Variants in HMCN2 observed in about 807,000 individuals in gnomAD.
HMCN2 encodes the protein hemicentin-2.
Under a neutral mutation model 377.5 loss-of-function variants are expected in HMCN2, and 325 were observed. The ratio of observed to expected loss-of-function variants is 0.86; its 90% confidence interval spans 0.79 to 0.94. The LOEUF is 0.94. Ranked by LOEUF, HMCN2 falls within the 40% of genes least tolerant of loss-of-function variation. The pLI, the probability that HMCN2 is intolerant of heterozygous loss-of-function variation, is 0.00. For missense variants in HMCN2, 4,543 were observed against 4,725.3 expected (o/e 0.96, Z 1.13); for synonymous variants, 2,007 against 2,046.8 (o/e 0.98, Z 0.53).
At position 130,354,862 on chromosome 9, in the gene HMCN2, C is replaced by T; in HGVS notation, c.4964C>T (p.Ser1655Phe). The T allele has an allele frequency of 3.8e-6, 5 of 1,304,252 alleles. No individual in the cohort carries two copies. Among genetic ancestry groups the T allele is most frequent in the Non-Finnish European group, 5.1e-6 (5 of 988,934 alleles). 80.8% of individuals were successfully genotyped at this position (1,304,252 alleles called of 1,614,324 possible). A position where few individuals can be genotyped will look rare whatever the true frequency, so the allele number is the denominator to read the frequency against. ...GAGTGCGTGGCCAGAGGCCACCCGT[C>T]CCCCACCCTCTCCTGGCACCACGAG... The part of the protein sequence containing the change: ...ALECVARGHP[S>F]PTLSWHHEGL... Residue 1655 changes from serine to phenylalanine, a missense_variant, in exon 32 of 98, where the codon TCC becomes TTC. This residue lies in a region of HMCN2 where 1,032 missense variants were observed against 1,285.1 expected (regional missense o/e 0.80). Coordinates refer to ENST00000683500, the MANE Select transcript of HMCN2 (RefSeq NM_001291815.2).
chr9:130,370,416 G>A (rs1588329304), intron 45 of HMCN2, among the ~76,000 whole-genome samples: 1 of 152,156 alleles, frequency 6.6e-6, no homozygotes, highest in East Asian at 1.9e-4. Flanking sequence ...GACAGGGAGT[G>A]GTAAGAGATA....
chr9:130,400,798 C>T lies in HMCN2; in HGVS notation c.11621C>T (p.Ala3874Val). The T allele has an allele frequency of 1.6e-6, 2 of 1,287,152 alleles. No homozygotes were observed. Among genetic ancestry groups the T allele is most frequent in the Non-Finnish European group, 2.0e-6 (2 of 987,720 alleles). 79.7% of individuals were successfully genotyped at this position (1,287,152 alleles called of 1,614,324 possible). A position where few individuals can be genotyped will look rare whatever the true frequency, so the allele number is the denominator to read the frequency against. Residue 3874 changes from alanine (A) to valine (V), a missense_variant, in exon 77 of 98, where the codon GCC becomes GTC. Ala to Val is a moderately conservative substitution (Grantham distance 64). Around this residue, in one of 5 missense-constraint regions of HMCN2, gnomAD observed 1,073 missense variants for 1,319.5 expected, o/e 0.81. Coordinates refer to ENST00000683500, the MANE Select transcript of HMCN2 (RefSeq NM_001291815.2). The part of the protein sequence containing the change: ...QVTVHVPPTI[A>V]DDQTDFTVTM... Reference sequence around the variant, plus strand: ...TGGGTTTTAGTGCCTCCCACCATTGCCGATGACCAGACAGACTTCACCGTG... The same window carrying T: ...TGGGTTTTAGTGCCTCCCACCATTGTCGATGACCAGACAGACTTCACCGTG...
chr9:130,395,022 C>T lies in HMCN2; in HGVS notation c.10693-5C>T. The T allele has an allele frequency of 2.3e-6, 3 of 1,284,348 alleles. No homozygotes were observed. The highest frequency in any genetic ancestry group is 2.4e-4 in the Middle Eastern group (1 of 4,248). The allele number at this position is 1,284,348 out of a possible 1,614,324, so 79.6% of individuals were successfully genotyped here. The stretch of plus-strand genomic sequence containing the variant: ...GGGCAGCTGCTCAACCCGCTCCATC[C>T]CCAGGTTAGGGATGCTGGGCTGTAC... On this transcript the variant is annotated splice_region_variant and splice_polypyrimidine_tract_variant and intron_variant, in intron 69 of 97. Transcript: ENST00000683500.
intron 19 of HMCN2, among the ~76,000 whole-genome samples, chr9:130,325,017 G>C (rs1044707915): frequency 6.6e-6 from 1 of 151,828 alleles, no homozygotes; most frequent in Non-Finnish European, 1.5e-5. Context: ...AATCCTCTGG[G>C]CTCTGCCTCT....
At chr9:130,352,702 G>A (rs1402186120) in intron 30 of HMCN2, among the ~76,000 whole-genome samples, 3 of 152,062 alleles carry the variant, frequency 2.0e-5, no homozygotes, top group Admixed American at 1.3e-4. Flanking sequence ...CCAAGCCTGT[G>A]GCCCCGCCCC....
At chr9:130,402,978 G>A in intron 78 of HMCN2, 82 bp downstream of exon 78, 1 of 1,124,042 alleles carries the variant, frequency 8.9e-7, no homozygotes, top group South Asian at 1.3e-5. Context: ...GGCTCAGGAT[G>A]GAGGTGAGGC....
chr9:130,350,378 C>CAAAAAAA (rs1448443171), intron 29 of HMCN2, among the ~76,000 whole-genome samples: 6 of 74,732 alleles, frequency 8.0e-5, no homozygotes, highest in Non-Finnish European at 1.5e-4. Context: ...GCTAAAAATA[C>CAAAAAAA]AAAAAAATAC....
chr9:130,288,583 C>T (rs1229401241), intron 4 of HMCN2, among the ~76,000 whole-genome samples: 1 of 152,208 alleles, frequency 6.6e-6, no homozygotes, highest in Non-Finnish European at 1.5e-5. Flanking sequence ...CAAAAGGCTC[C>T]AAACTATGCG....
rs1554927270 is a variant in HMCN2 at position 130,285,292 on chromosome 9, G to A, written c.465G>A (p.Arg155=). Reference sequence around the variant, plus strand: ...ATCACAAGAAGGAAGAGCTGCTGCGGCTCCTGCAGCTCAAGCAATCACAGG... The same window carrying A: ...ATCACAAGAAGGAAGAGCTGCTGCGACTCCTGCAGCTCAAGCAATCACAGG... The part of the protein sequence containing the change: ...KDYHKKEELL[R]LLQLKQSQVV... Residue 155 remains arginine (R), a synonymous_variant, in exon 3 of 98, where the codon CGG becomes CGA. Transcript: ENST00000683500. The A allele has an allele frequency of 8.5e-6, 4 of 471,182 alleles. No homozygotes were observed. Among genetic ancestry groups the A allele is most frequent in the Admixed American group, 4.7e-5 (2 of 42,596 alleles). The allele number at this position is 471,182 out of a possible 1,614,324, so 29.2% of individuals were successfully genotyped here. A position where few individuals can be genotyped will look rare whatever the true frequency, so the allele number is the denominator to read the frequency against.
At chr9:130,410,531 T>C in intron 84 of HMCN2, 40 bp from the exon 85 acceptor site, 1 of 1,538,634 alleles carries the variant, frequency 6.5e-7, no homozygotes, top group Non-Finnish European at 8.8e-7. Flanking sequence ...CTCATCTTCT[T>C]CTCTGAGCAC....
chr9:130,422,987 C>T lies in HMCN2; in HGVS notation c.13381+261C>T, dbSNP rs1276305134. 1.3e-5 allele frequency among the ~76,000 whole-genome samples: 2 copies of T among 152,252 alleles called. No individual in the cohort carries two copies. The highest frequency in any genetic ancestry group is 2.4e-5 in the African/African-American group (1 of 41,542). ...ACAGTCAGACCAAGAGTGTGTGAAA[C>T]GGTCAGTGTTCTGGGGGTGCGGGCG... On this transcript the variant is annotated intron_variant, in intron 87 of 97. Coordinates refer to ENST00000683500, the MANE Select transcript of HMCN2 (RefSeq NM_001291815.2). This position sits in a 1 kb window ranked among gnomAD's most constrained non-coding sequence, Gnocchi z 4.2.
In HMCN2 at chr9:130,269,662, C is replaced by T. The variant is rs782689326; in HGVS notation, c.259+3525C>T. 2.7e-5 allele frequency among the ~76,000 whole-genome samples: 4 copies of T among 148,542 alleles called. 1 individual carries two copies. Among genetic ancestry groups the T allele is most frequent in the Non-Finnish European group, 4.5e-5 (3 of 66,234 alleles). On this transcript the variant is annotated intron_variant, in intron 1 of 97. Transcript: ENST00000683500. ...AGTGAGGTTCAATATGTCTTTCAAG[C>T]GTTCACTAGATATTTTTGGTATGAA...
chr9:130,416,100 ATTTT>A (rs34382467), intron 85 of HMCN2, among the ~76,000 whole-genome samples: 1 of 130,736 alleles, frequency 7.6e-6, no homozygotes, highest in Non-Finnish European at 1.6e-5. Context: ...TAGAGGCTTT[ATTTT>A]TTTTTTTTTT....
chr9:130,380,032 C>T lies in HMCN2; in HGVS notation c.8431+565C>T, dbSNP rs571539784. On this transcript the variant is annotated intron_variant, in intron 54 of 97. Coordinates refer to ENST00000683500, the MANE Select transcript of HMCN2 (RefSeq NM_001291815.2). ...CTGGGATTACAGGCATGCGCCACCA[C>T]GCCTGGCTACTTTTTGTATTTTTAG... is the stretch of plus-strand genomic sequence containing the variant. Among the ~76,000 whole-genome samples, 6 of 152,254 alleles carry T rather than the reference C, an allele frequency of 3.9e-5. No individual in the cohort carries two copies. The East Asian group carries it at 7.7e-4, about 20-fold the overall frequency.
At chr9:130,429,932 C>A in intron 94 of HMCN2, 1 of 696,280 alleles carries the variant, frequency 1.4e-6, no homozygotes, top group Non-Finnish European at 2.3e-6. Flanking sequence ...CCTGTGGGGT[C>A]ATCTTCCGGG....
At position 130,360,220 on chromosome 9, in the gene HMCN2, T is replaced by C. The variant is rs191837338; in HGVS notation, c.5774-208T>C. On this transcript the variant is annotated intron_variant, in intron 37 of 97. Coordinates refer to ENST00000683500, the MANE Select transcript of HMCN2 (RefSeq NM_001291815.2). The surrounding 1 kb of genome is among the most constrained non-coding windows in gnomAD (Gnocchi z 4.7). Reference sequence around the variant, plus strand: ...CCTTCTCCAATGCCTGAAAAAATAGTGTGGTCACCCTGGAAGTTTCTCTTG... The same window carrying C: ...CCTTCTCCAATGCCTGAAAAAATAGCGTGGTCACCCTGGAAGTTTCTCTTG... Among the ~76,000 whole-genome samples the C allele has an allele frequency of 3.0e-4, 46 of 152,286 alleles. No homozygotes were observed. The highest frequency in any genetic ancestry group is 1.0e-3 in the African/African-American group (42 of 41,548).
At chr9:130,312,027 G>A (rs1014766813) in intron 15 of HMCN2, among the ~76,000 whole-genome samples, 5 of 152,232 alleles carry the variant, frequency 3.3e-5, no homozygotes, top group African/African-American at 7.2e-5. Context: ...AGCACATTTT[G>A]TTGCTGGCTC....
intron 4 of HMCN2, among the ~76,000 whole-genome samples, chr9:130,287,062 A>G (rs782368005): frequency 3.9e-5 from 6 of 152,254 alleles, no homozygotes; most frequent in Admixed American, 1.3e-4. Context: ...TCCGTGGTAT[A>G]AATGCTCCCA....
chr9:130,362,851 C>G lies in HMCN2; in HGVS notation c.6109-16C>G, dbSNP rs1010678395. ...CAGGACAGTTGCCTAATTTGGGCTT[C>G]CCCCTGGGGTCACAGGTCTTCCCTG... On this transcript the variant is annotated splice_polypyrimidine_tract_variant and intron_variant, in intron 39 of 97. Transcript: ENST00000683500. The G allele has an allele frequency of 1.0e-6, 1 of 985,784 alleles. No individual in the cohort carries two copies. The highest frequency in any genetic ancestry group is 1.7e-5 in the African/African-American group (1 of 57,256). 61.1% of individuals were successfully genotyped at this position (985,784 alleles called of 1,614,324 possible). A position where few individuals can be genotyped will look rare whatever the true frequency, so the allele number is the denominator to read the frequency against.
Sources: allele counts gnomAD v4.1 joint callset (sites outside exome capture counted in the v4.1 genomes callset), GRCh38; gene constraint gnomAD v4.1.1; regional missense constraint gnomAD v4.1.1; non-coding constraint Gnocchi (gnomAD v3.1); transcripts MANE v1.5; gene names NCBI Gene and HGNC (gene_info 2026-07-23, HGNC 2026-07-21).